DOCK5: variants seen among roughly 807,000 people sequenced by gnomAD.
DOCK5 encodes the protein dedicator of cytokinesis protein 5.
A neutral mutation model predicts 251.8 loss-of-function variants in DOCK5; 142 were observed. The ratio of observed to expected loss-of-function variants is 0.56; its 90% CI spans 0.49 to 0.65. The LOEUF (loss-of-function observed/expected upper bound fraction) is 0.65. DOCK5 is among the 30% of genes least tolerant of loss of function. The pLI is 0.00. For missense variants in DOCK5, 2,111 were observed against 2,312.3 expected, an observed-to-expected ratio of 0.91 and a Z score of 1.79; for synonymous variants, 842 against 835.5, an observed-to-expected ratio of 1.01 and a Z score of -0.13.
At chr8:25,410,075 G>A (rs1389905319) in intron 50 of DOCK5, 24 bp from the exon 51 acceptor site, 32 of 1,595,458 alleles carry the variant, frequency 2.0e-5, no homozygotes, top group East Asian at 9.0e-5. Flanking sequence ...TCTCTCTGCC[G>A]CCTGCACTTT....
intron 21 of DOCK5, among the ~76,000 whole-genome samples, chr8:25,335,038 G>A (rs1001383129): frequency 2.0e-5 from 3 of 152,180 alleles, no homozygotes; most frequent in Admixed American, 2.0e-4. Context: ...TGTCCACTCC[G>A]CATTCCTCCC....
chr8:25,403,756 G>A (rs376796953), intron 48 of DOCK5, 32 bp downstream of exon 48: 1 of 1,609,830 alleles, frequency 6.2e-7, no homozygotes, highest in African/African-American at 1.3e-5. Flanking sequence ...TGCAGGAAGG[G>A]TGGGGTAACG....
Position 25,391,931 on chromosome 8 carries a change from A to G in DOCK5, c.4391A>G (p.Tyr1464Cys), listed in dbSNP as rs1231843036. Reference sequence around the variant, plus strand: ...GCCAATGAAGTGCAGCAGTTCAGATACTCCCGGCCGTTCCGGAAAGGAGAA... The same window carrying G: ...GCCAATGAAGTGCAGCAGTTCAGATGCTCCCGGCCGTTCCGGAAAGGAGAA... ...YRANEVQQFR[Y>C]SRPFRKGEKD... Residue 1464 changes from tyrosine (Y) to cysteine (C), a missense_variant, in exon 43 of 52, where the codon TAC becomes TGC. By Grantham distance (194) the Tyr-to-Cys change is radical. This residue lies in a region of DOCK5 where 1,717 missense variants were observed against 1,892.4 expected (regional missense o/e 0.91). Transcript: ENST00000276440. The G allele has an allele frequency of 6.2e-7, 1 of 1,613,818 alleles. No individual in the cohort carries two copies. The highest frequency in any genetic ancestry group is 8.5e-7 in the Non-Finnish European group (1 of 1,179,844).
chr8:25,279,677 A>G (rs892766686), intron 5 of DOCK5, among the ~76,000 whole-genome samples: 28 of 151,810 alleles, frequency 1.8e-4, no homozygotes, highest in African/African-American at 6.5e-4. Context: ...GAGTGCAGTG[A>G]CACCATCTCA....
In DOCK5 at chr8:25,403,613, A is replaced by G. The variant is rs1362679773; in HGVS notation, c.4982A>G (p.Tyr1661Cys). ...CGCACGGGGTCTATTGTGCTCCCCTACATCATGTCTTCCACTCTGCGGAGG... is the reference window on the plus strand; with the variant it reads ...CGCACGGGGTCTATTGTGCTCCCCTGCATCATGTCTTCCACTCTGCGGAGG... ...QSRTGSIVLP[Y>C]IMSSTLRRLS... The change falls in exon 48 of 52, where the codon TAC becomes TGC. Residue 1661 changes from tyrosine (Y) to cysteine (C), a missense_variant. Physicochemically the swap from Tyr to Cys is radical, Grantham distance 194 (BLOSUM62 -2). This residue lies in a region of DOCK5 where 1,717 missense variants were observed against 1,892.4 expected (regional missense o/e 0.91). Coordinates refer to ENST00000276440, the MANE Select transcript of DOCK5 (RefSeq NM_024940.8). 7.4e-6 allele frequency: 12 copies of G among 1,613,988 alleles called. No homozygotes were observed. Among genetic ancestry groups the G allele is most frequent in the Non-Finnish European group, 1.0e-5 (12 of 1,179,880 alleles).
intron 1 of DOCK5, among the ~76,000 whole-genome samples, chr8:25,214,440 A>G (rs1405599653): frequency 6.6e-6 from 1 of 152,230 alleles, no homozygotes; most frequent in East Asian, 1.9e-4. Flanking sequence ...GCACCTTTGA[A>G]AAAGGAAAAG....
At chr8:25,308,631 A>C in intron 11 of DOCK5, 152 bp from the exon 12 acceptor site, 1 of 902,864 alleles carries the variant, frequency 1.1e-6, no homozygotes, top group South Asian at 2.2e-5. Flanking sequence ...AAGATGACAC[A>C]AAATGGAAAA....
intron 5 of DOCK5, among the ~76,000 whole-genome samples, chr8:25,281,910 C>T (rs1406975937): frequency 1.4e-5 from 2 of 145,286 alleles, no homozygotes; most frequent in Non-Finnish European, 3.0e-5. Flanking sequence ...AAAAAAAAGC[C>T]ATCCCCTCTT....
At chr8:25,367,077 G>A in intron 31 of DOCK5, 107 bp downstream of exon 31, 2 of 960,614 alleles carry the variant, frequency 2.1e-6, no homozygotes, top group South Asian at 1.4e-5. Flanking sequence ...GGCTACCCAT[G>A]TTGTTAGTGA....
At chr8:25,332,224 T>A in intron 18 of DOCK5, 27 bp from the exon 19 acceptor site, 1 of 1,574,606 alleles carries the variant, frequency 6.4e-7, no homozygotes, top group Non-Finnish European at 8.7e-7. Flanking sequence ...CTCACCTGTA[T>A]CTAATGTTTG....
At chr8:25,387,774 C>T (rs1210573631) in intron 40 of DOCK5, among the ~76,000 whole-genome samples, 4 of 152,208 alleles carry the variant, frequency 2.6e-5, no homozygotes, top group Non-Finnish European at 4.4e-5. Flanking sequence ...CCTGGTCCTT[C>T]GCACCCCTTC....
At chr8:25,280,201 C>T (rs1030596616) in intron 5 of DOCK5, among the ~76,000 whole-genome samples, 4 of 152,178 alleles carry the variant, frequency 2.6e-5, no homozygotes, top group Admixed American at 6.5e-5. Context: ...TATATTCTCT[C>T]GTTAGATGTG....
rs554044263 is a variant in DOCK5 at position 25,330,339 on chromosome 8, G to A, written c.1904-1912G>A. ...CACCTAATAGATGGCTAGTACTAAG[G>A]CAAGATAAAAGAATGAATACTATAT... On this transcript the variant is annotated intron_variant, in intron 18 of 51. Coordinates refer to ENST00000276440, the MANE Select transcript of DOCK5 (RefSeq NM_024940.8). Among the ~76,000 whole-genome samples, 3 of 152,234 alleles carry A rather than the reference G, an allele frequency of 2.0e-5. No homozygotes were observed. In the East Asian group the frequency reaches 5.8e-4, roughly 29 times the overall value.
chr8:25,253,576 T>G (rs1803333494), intron 2 of DOCK5, among the ~76,000 whole-genome samples: 2 of 152,070 alleles, frequency 1.3e-5, no homozygotes, highest in South Asian at 4.2e-4. Context: ...TCATTAAGGA[T>G]TAGTGTAAGG....
chr8:25,322,529 C>T (rs539376990), intron 16 of DOCK5, among the ~76,000 whole-genome samples: 9 of 151,958 alleles, frequency 5.9e-5, no homozygotes, highest in Non-Finnish European at 1.2e-4. Context: ...TCTAAATGGC[C>T]AAATATCAGC....
intron 5 of DOCK5, among the ~76,000 whole-genome samples, chr8:25,286,001 A>G (rs945179068): frequency 1.3e-5 from 2 of 152,320 alleles, no homozygotes; most frequent in Admixed American, 6.5e-5. Flanking sequence ...CAGGAGGCAA[A>G]AAATGGCCTT....
In DOCK5 at chr8:25,380,325, G is replaced by A; in HGVS notation, c.3957G>A (p.Lys1319=). The A allele has an allele frequency of 1.9e-6, 3 of 1,611,700 alleles. No individual in the cohort carries two copies. Among genetic ancestry groups the A allele is most frequent in the Non-Finnish European group, 1.7e-6 (2 of 1,178,890 alleles). The change falls in exon 39 of 52, where the codon AAG becomes AAA. Residue 1319 remains lysine (K), a synonymous_variant. Transcript: ENST00000276440. ...DKGKMWEKAI[K]LSKELAETYE... is the part of the protein sequence containing the mutation. ...TGAAGATGTGGGAGAAGGCCATCAA[G>A]CTGAGCAAAGAGTTGGCTGAGACTT...
chr8:25,357,910 A>G (rs1800606990), intron 27 of DOCK5, among the ~76,000 whole-genome samples: 1 of 152,108 alleles, frequency 6.6e-6, no homozygotes, highest in African/African-American at 2.4e-5. Context: ...CTAAGTCTAT[A>G]ATTCACATTT....
At chr8:25,261,924 A>C (rs766696563) in intron 2 of DOCK5, among the ~76,000 whole-genome samples, 1 of 152,220 alleles carries the variant, frequency 6.6e-6, no homozygotes, top group Non-Finnish European at 1.5e-5. Flanking sequence ...GATGTTGCAC[A>C]TCCGTAGTTC....
Sources: allele counts gnomAD v4.1 joint callset (sites outside exome capture counted in the v4.1 genomes callset), GRCh38; gene constraint gnomAD v4.1.1; regional missense constraint gnomAD v4.1.1; transcripts MANE v1.5; gene names NCBI Gene and HGNC (gene_info 2026-07-23, HGNC 2026-07-21).